ERO1B: variants seen among roughly 807,000 people sequenced by gnomAD.
ERO1B encodes endoplasmic reticulum oxidoreductase 1 beta.
In ERO1B, 49 loss-of-function variants were observed where a neutral mutation model predicts 75.3. The observed-to-expected ratio is 0.65, with a 90% CI of 0.52 to 0.83. ERO1B has a LOEUF of 0.83. Among genes scored for constraint, ERO1B ranks in the 40% least tolerant of loss-of-function variants. The pLI, the probability that ERO1B is intolerant of heterozygous loss-of-function variation, is 0.00. For synonymous variants in ERO1B, 191 were observed against 192.9 expected (o/e 0.99, Z 0.08); for missense variants, 512 against 560.1 (o/e 0.91, Z 0.87).
intron 1 of ERO1B, among the ~76,000 whole-genome samples, chr1:236,276,523 G>A (rs941790380): frequency 5.3e-5 from 8 of 152,186 alleles, no homozygotes; most frequent in African/African-American, 1.9e-4. Flanking sequence ...ATTTCAAGGA[G>A]AGTGAGTGAT....
At chr1:236,275,515 A>C (rs933473806) in intron 1 of ERO1B, among the ~76,000 whole-genome samples, 1 of 152,200 alleles carries the variant, frequency 6.6e-6, no homozygotes, top group Non-Finnish European at 1.5e-5. Flanking sequence ...CCTCCCAATA[A>C]GTCAATGTAT....
At position 236,281,755 on chromosome 1, in the gene ERO1B, G is replaced by A; in HGVS notation, c.29C>T (p.Ala10Val). MSQGVRRAGAGQGVAAAVQL... is the reference protein window; with the variant it reads MSQGVRRAGVGQGVAAAVQL... ...CACCGCGGCCGCTACCCCCTGCCCA[G>A]CGCCTGCCCGGCGGACCCCTTGGCT... is the stretch of plus-strand genomic sequence containing the variant. The change falls in exon 1 of 16, where the codon GCT (alanine) becomes GTT (valine). Residue 10 changes from alanine (A) to valine (V), a missense_variant. Ala to Val is a moderately conservative substitution (Grantham distance 64). Coordinates refer to ENST00000354619, the MANE Select transcript of ERO1B (RefSeq NM_019891.4). 4.0e-6 allele frequency: 6 copies of A among 1,517,300 alleles called. No homozygotes were observed. The highest frequency in any genetic ancestry group is 5.3e-6 in the Non-Finnish European group (6 of 1,136,066). 94.0% of individuals were successfully genotyped at this position (1,517,300 alleles called of 1,614,324 possible).
chr1:236,250,572 C>CAA (rs1664992693), intron 4 of ERO1B, among the ~76,000 whole-genome samples: 1 of 86,376 alleles, frequency 1.2e-5, no homozygotes, highest in Admixed American at 1.2e-4. Flanking sequence ...TAAATTTGAC[C>CAA]ATATATATAT....
Position 236,258,111 on chromosome 1 carries a change from AAGAG to A in ERO1B, c.223-4610_223-4607del, listed in dbSNP as rs71176473. On this transcript the variant is annotated intron_variant, in intron 2 of 15. Coordinates refer to ENST00000354619, the MANE Select transcript of ERO1B (RefSeq NM_019891.4). ...GATGAAAGAAAGAAAGAAGGACAGA[AAGAG>A]AGAGAGAGAGAAAGAAAAAAAAGAA... Among the ~76,000 whole-genome samples, 676 of 134,910 alleles carry A rather than the reference AAGAG, an allele frequency of 5.0e-3. 7 individuals are homozygous for A. Among genetic ancestry groups the A allele is most frequent in the African/African-American group, 0.016 (596 of 36,394 alleles). 88.5% of individuals were successfully genotyped at this position (134,910 alleles called of 152,430 possible).
chr1:236,230,099 A>AC, intron 10 of ERO1B, 125 bp downstream of exon 10: 1 of 710,736 alleles, frequency 1.4e-6, no homozygotes, highest in South Asian at 1.7e-5. Context: ...CCTAAAACAC[A>AC]TTTTTTTTTT....
chr1:236,226,662 T>C lies in ERO1B; in HGVS notation c.790A>G (p.Asn264Asp). ...ATATGATTACCTTCCAAAAGATAAT[T>C]TGCGCATAGATGTAAATTGATGCTA... ...HASINLHLCA[N>D]YLLEETWGKP... The change falls in exon 11 of 16, where the codon AAT (asparagine) becomes GAT (aspartate). Residue 264 changes from asparagine to aspartate, a missense_variant. Transcript: ENST00000354619. The C allele has an allele frequency of 6.2e-7, 1 of 1,610,594 alleles. No individual in the cohort carries two copies. The highest frequency in any genetic ancestry group is 2.2e-5 in the East Asian group (1 of 44,802).
chr1:236,252,050 C>T lies in ERO1B; in HGVS notation c.348G>A (p.Lys116=). ...CACTCAAGGAAGAGGAGGGACTTACCTTATTAGAATGCCCAGCTTTTATTC... is the reference window on the plus strand; with the variant it reads ...CACTCAAGGAAGAGGAGGGACTTACTTTATTAGAATGCCCAGCTTTTATTC... ...PVGIKAGHSN[K]YLKMANNTKE... is the part of the protein sequence containing the mutation. The change falls in exon 4 of 16, where the codon AAG becomes AAA. Residue 116 remains lysine (K), a splice_region_variant and synonymous_variant. Transcript: ENST00000354619. 1 of 1,596,350 alleles carries T rather than the reference C, an allele frequency of 6.3e-7. No individual in the cohort carries two copies. Among genetic ancestry groups the T allele is most frequent in the East Asian group, 2.3e-5 (1 of 44,078 alleles).
At chr1:236,234,711 T>C (rs191971150) in intron 8 of ERO1B, among the ~76,000 whole-genome samples, 111 of 152,258 alleles carry the variant, frequency 7.3e-4, no homozygotes, top group African/African-American at 2.4e-3. Context: ...CCAAGTCTAT[T>C]TGGTTCTCAG....
rs1221484517 is a variant in ERO1B at position 236,239,839 on chromosome 1, A to ATATATATGTG, written c.506-3442_506-3441insCACATATATA. Among the ~76,000 whole-genome samples, 517 of 114,266 alleles carry ATATATATGTG rather than the reference A, an allele frequency of 4.5e-3. 8 individuals are homozygous for ATATATATGTG. Among genetic ancestry groups the ATATATATGTG allele is most frequent in the African/African-American group, 0.017 (480 of 28,700 alleles). The allele number at this position is 114,266 out of a possible 152,430, so 75.0% of individuals were successfully genotyped here. ...TATATATATGTGTATATATATGTGT[A>ATATATATGTG]TATATATATGTGTATATATGTATAT... On this transcript the variant is annotated intron_variant, in intron 6 of 15. Transcript: ENST00000354619.
Position 236,281,836 on chromosome 1 carries a change from A to G in ERO1B, c.-53T>C, listed in dbSNP as rs1405299905. 3 of 1,306,214 alleles carry G rather than the reference A, an allele frequency of 2.3e-6. No homozygotes were observed. Among genetic ancestry groups the G allele is most frequent in the African/African-American group, 1.5e-5 (1 of 65,280 alleles). The allele number at this position is 1,306,214 out of a possible 1,614,324, so 80.9% of individuals were successfully genotyped here. ...CCGGACCCCTCGGGGCCGGGGAACGACGGGCGGCCCAGGCGACGACCCAAG... is the reference window on the plus strand; with the variant it reads ...CCGGACCCCTCGGGGCCGGGGAACGGCGGGCGGCCCAGGCGACGACCCAAG... On this transcript the variant is annotated 5_prime_UTR_variant, in exon 1 of 16. Transcript: ENST00000354619.
chr1:236,231,932 T>C (rs973414144), intron 9 of ERO1B, among the ~76,000 whole-genome samples: 1 of 152,054 alleles, frequency 6.6e-6, no homozygotes, highest in South Asian at 2.1e-4. Flanking sequence ...CACTATATAG[T>C]CTTACCTACC....
rs1664856051 is a variant in ERO1B at position 236,245,576 on chromosome 1, A to AT, written c.432-2082dup. 5.5e-4 allele frequency among the ~76,000 whole-genome samples: 2 copies of AT among 3,644 alleles called. 1 individual carries two copies. Among genetic ancestry groups the AT allele is most frequent in the African/African-American group, 1.1e-3 (2 of 1,768 alleles). 2.4% of individuals were successfully genotyped at this position (3,644 alleles called of 152,430 possible). ...TGTGTATATATATATATATATATAT[A>AT]TATATTTTTTTTTTTTTTTTTTTTT... On this transcript the variant is annotated intron_variant, in intron 5 of 15. Transcript: ENST00000354619.
chr1:236,231,435 T>G (rs12023793), intron 9 of ERO1B, among the ~76,000 whole-genome samples: 24,562 of 150,386 alleles, frequency 0.16, 2,176 homozygotes, highest in African/African-American at 0.23. Flanking sequence ...AAATGGTATG[T>G]GAGCTAATTA....
Position 236,218,409 on chromosome 1 carries a change from AGTTCAGAATTCTT to A in ERO1B, c.*94_*106del. 1.9e-6 allele frequency: 2 copies of A among 1,045,720 alleles called. No individual in the cohort carries two copies. The highest frequency in any genetic ancestry group is 2.5e-6 in the Non-Finnish European group (2 of 804,752). The allele number at this position is 1,045,720 out of a possible 1,614,324, so 64.8% of individuals were successfully genotyped here. ...TGAGCATTTAAATTTTCTATTTAAT[AGTTCAGAATTCTT>A]GAAGTCAGATTAGTGTCTTTCTGAT... On this transcript the variant is annotated 3_prime_UTR_variant, in exon 16 of 16. Transcript: ENST00000354619.
At chr1:236,226,774 T>A in intron 10 of ERO1B, 35 bp from the exon 11 acceptor site, 1 of 1,490,178 alleles carries the variant, frequency 6.7e-7, no homozygotes, top group Non-Finnish European at 9.2e-7. Flanking sequence ...AAATTACACC[T>A]ATTTAGATAT....
chr1:236,221,322 T>G (rs570270831), intron 14 of ERO1B, among the ~76,000 whole-genome samples: 2 of 152,112 alleles, frequency 1.3e-5, no homozygotes, highest in East Asian at 3.9e-4. Flanking sequence ...AGATTATTGA[T>G]ACCCACACTT....
At chr1:236,253,621 C>CACCATG in intron 2 of ERO1B, 116 bp from the exon 3 acceptor site, 1 of 676,740 alleles carries the variant, frequency 1.5e-6, no homozygotes, top group Non-Finnish European at 2.6e-6. Flanking sequence ...ACTTCCTATC[C>CACCATG]TCGTGGCACC....
chr1:236,235,172 G>C (rs1222614530), intron 8 of ERO1B, among the ~76,000 whole-genome samples: 1 of 152,178 alleles, frequency 6.6e-6, no homozygotes, highest in Admixed American at 6.5e-5. Flanking sequence ...TACAGATATA[G>C]AGCACTGCTA....
chr1:236,238,674 T>C (rs1176979181), intron 6 of ERO1B, among the ~76,000 whole-genome samples: 1 of 151,686 alleles, frequency 6.6e-6, no homozygotes, highest in Non-Finnish European at 1.5e-5. Context: ...GAATTATATA[T>C]AAGCTTCACA....
Sources: gnomAD v4.1 joint callset for allele counts (sites outside exome capture counted in the v4.1 genomes callset) on GRCh38, gnomAD v4.1.1 for gene constraint, MANE v1.5 for transcripts, NCBI Gene and HGNC (gene_info 2026-07-23, HGNC 2026-07-21) for gene names.